MPPED2: variants seen among roughly 807,000 people sequenced by gnomAD.
The protein encoded by MPPED2 is metallophosphoesterase MPPED2.
In MPPED2, 5 loss-of-function variants were observed where a neutral mutation model predicts 33.0. The observed-to-expected ratio is 0.15, with a 90% CI of 0.08 to 0.32. The LOEUF (loss-of-function observed/expected upper bound fraction) is 0.32, where lower values mean the gene tolerates loss of function less well. Ranked by LOEUF, MPPED2 falls within the 10% of genes least tolerant of loss-of-function variation. MPPED2 has a pLI of 1.00. For synonymous variants in MPPED2, 136 were observed against 141.9 expected (o/e 0.96, Z 0.29); for missense variants, 275 against 372.1 (o/e 0.74, Z 2.15).
chr11:30,470,600 C>T (rs558921993), intron 4 of MPPED2, among the ~76,000 whole-genome samples: 2 of 152,258 alleles, frequency 1.3e-5, no homozygotes, highest in African/African-American at 4.8e-5. Context: ...TTGTACGATA[C>T]ATGAATTATA....
chr11:30,556,391 A>G (rs747060107), intron 2 of MPPED2, among the ~76,000 whole-genome samples: 2 of 152,198 alleles, frequency 1.3e-5, no homozygotes, highest in Non-Finnish European at 2.9e-5. Context: ...ATGCTTCTCT[A>G]TAGAATCTCA....
At chr11:30,419,197 A>T (rs1018032481) in intron 4 of MPPED2, among the ~76,000 whole-genome samples, 1 of 152,184 alleles carries the variant, frequency 6.6e-6, no homozygotes, top group Non-Finnish European at 1.5e-5. Flanking sequence ...CCTCGCAGCA[A>T]ACTCATGAGG....
intron 2 of MPPED2, among the ~76,000 whole-genome samples, chr11:30,556,748 AC>A (rs1955980800): frequency 6.6e-6 from 1 of 152,200 alleles, no homozygotes; most frequent in Non-Finnish European, 1.5e-5. Context: ...TTGGCTTGGT[AC>A]ACAATAAGCA....
downstream of MPPED2, among the ~76,000 whole-genome samples, chr11:30,405,472 T>TTC (rs1366312867): frequency 6.6e-6 from 1 of 152,148 alleles, no homozygotes; most frequent in Non-Finnish European, 1.5e-5. Context: ...GGAAATGCAT[T>TTC]TCTCTCTCTC....
Position 30,411,169 on chromosome 11 carries a change from T to C in MPPED2, c.*299A>G, listed in dbSNP as rs1948087134. Reference sequence around the variant, plus strand: ...CTTAAAGCATATTAAAATAAGACTTTTATCACTTTTTAAAAGAAAGCTTGG... The same window carrying C: ...CTTAAAGCATATTAAAATAAGACTTCTATCACTTTTTAAAAGAAAGCTTGG... On this transcript the variant is annotated 3_prime_UTR_variant, in exon 7 of 7. Transcript: ENST00000358117. 9.7e-7 allele frequency: 1 copy of C among 1,034,340 alleles called. No individual in the cohort carries two copies. The highest frequency in any genetic ancestry group is 1.7e-5 in the African/African-American group (1 of 59,276). 64.1% of individuals were successfully genotyped at this position (1,034,340 alleles called of 1,614,324 possible).
chr11:30,524,983 G>T (rs1268306693), intron 3 of MPPED2, among the ~76,000 whole-genome samples: 1 of 152,108 alleles, frequency 6.6e-6, no homozygotes, highest in Non-Finnish European at 1.5e-5. Flanking sequence ...CAAATAATTA[G>T]AATAATCTCC....
At chr11:30,491,260 A>T (rs1339159859) in intron 4 of MPPED2, among the ~76,000 whole-genome samples, 1 of 152,218 alleles carries the variant, frequency 6.6e-6, no homozygotes, top group Non-Finnish European at 1.5e-5. Flanking sequence ...GCTCACAAAT[A>T]TGTATTGTTT....
At chr11:30,538,421 A>G (rs1437769571) in intron 2 of MPPED2, among the ~76,000 whole-genome samples, 3 of 152,148 alleles carry the variant, frequency 2.0e-5, no homozygotes, top group East Asian at 1.9e-4. Flanking sequence ...TGTTCTATGA[A>G]TCTACCCACT....
intron 4 of MPPED2, among the ~76,000 whole-genome samples, chr11:30,437,044 C>T (rs1032087379): frequency 6.6e-5 from 10 of 152,102 alleles, no homozygotes; most frequent in Admixed American, 1.3e-4. Flanking sequence ...TCTATTTAAG[C>T]GAAGGAAATT....
At chr11:30,536,275 G>A (rs976502422) in intron 2 of MPPED2, 100 bp from the exon 3 acceptor site, 1 of 1,063,650 alleles carries the variant, frequency 9.4e-7, no homozygotes, top group Non-Finnish European at 1.3e-6. Flanking sequence ...AATGCACCCA[G>A]ACAAACTGAC....
At chr11:30,454,979 A>G (rs947029110) in intron 4 of MPPED2, among the ~76,000 whole-genome samples, 6 of 152,194 alleles carry the variant, frequency 3.9e-5, no homozygotes, top group African/African-American at 1.4e-4. Context: ...ACTTAAATGT[A>G]CTCAACACAT....
chr11:30,502,733 T>C (rs919336124), intron 3 of MPPED2, among the ~76,000 whole-genome samples: 26 of 152,230 alleles, frequency 1.7e-4, no homozygotes, highest in African/African-American at 6.0e-4. Context: ...AGGTGGAAGA[T>C]AATAGAGAAC....
chr11:30,403,036 G>C (rs1366715026), intron 6 of MPPED2, among the ~76,000 whole-genome samples: 1 of 152,160 alleles, frequency 6.6e-6, no homozygotes, highest in Non-Finnish European at 1.5e-5. Context: ...ACAAGGTCAG[G>C]AGATCGAGAC....
At chr11:30,502,251 A>G (rs1198825189) in intron 3 of MPPED2, among the ~76,000 whole-genome samples, 2 of 152,182 alleles carry the variant, frequency 1.3e-5, no homozygotes, top group African/African-American at 4.8e-5. Context: ...TGACAACTTG[A>G]TAAAGTTTGA....
At chr11:30,439,626 A>C (rs1205690785) in intron 4 of MPPED2, among the ~76,000 whole-genome samples, 1 of 152,224 alleles carries the variant, frequency 6.6e-6, no homozygotes, top group Non-Finnish European at 1.5e-5. Flanking sequence ...CATAGTACAG[A>C]AGTGGCAGTG....
chr11:30,388,714 C>A, exon 7 of MPPED2: 1 of 753,958 alleles, frequency 1.3e-6, no homozygotes, highest in Non-Finnish European at 1.9e-6. Flanking sequence ...TGTTGTCCAC[C>A]AGGTGAGCTT....
intron 4 of MPPED2, among the ~76,000 whole-genome samples, chr11:30,446,985 G>T (rs556349900): frequency 6.6e-6 from 1 of 152,328 alleles, no homozygotes; most frequent in African/African-American, 2.4e-5. Flanking sequence ...GGGTGTTCTA[G>T]CAGGGAAGGA....
intron 2 of MPPED2, among the ~76,000 whole-genome samples, chr11:30,546,745 G>A (rs1248650922): frequency 6.6e-6 from 1 of 152,062 alleles, no homozygotes; most frequent in African/African-American, 2.4e-5. Context: ...TTACTACATA[G>A]GGGACATCAT....
chr11:30,481,843 G>A (rs1451858927), intron 4 of MPPED2, among the ~76,000 whole-genome samples: 1 of 152,120 alleles, frequency 6.6e-6, no homozygotes, highest in Non-Finnish European at 1.5e-5. Flanking sequence ...TTTTTCAGCT[G>A]AATAAATGCA....
Sources: allele counts gnomAD v4.1 joint callset (sites outside exome capture counted in the v4.1 genomes callset), GRCh38; gene constraint gnomAD v4.1.1; transcripts MANE v1.5; gene names NCBI Gene and HGNC (gene_info 2026-07-23, HGNC 2026-07-21).